Variants in RBFOX1 observed in about 807,000 individuals in gnomAD.
The protein encoded by RBFOX1 is RNA binding fox-1 homolog 1, also known as RNA binding protein fox-1 homolog 1.
RBFOX1 carries 8 observed loss-of-function variants against 57.7 expected under a neutral mutation model. The observed-to-expected ratio is 0.14, with a 90% confidence interval of 0.08 to 0.25. RBFOX1 has a LOEUF of 0.25. RBFOX1 is among the 10% of genes least tolerant of loss of function. The probability of loss-of-function intolerance (pLI) is 1.00; values close to 1 mark genes in which losing one functional copy is unlikely to be tolerated. For synonymous variants in RBFOX1, 326 were observed against 222.4 expected, an observed-to-expected ratio of 1.47 and a Z score of -4.15; for missense variants, 611 against 548.5, an observed-to-expected ratio of 1.11 and a Z score of -1.14.
intron 2 of RBFOX1, among the ~76,000 whole-genome samples, chr16:6,523,314 C>G (rs1412942128): frequency 2.6e-5 from 4 of 152,072 alleles, no homozygotes; most frequent in African/African-American, 9.7e-5. Flanking sequence ...GTTGATAAAG[C>G]TACTAGCCAT....
intron 3 of RBFOX1, among the ~76,000 whole-genome samples, chr16:6,743,905 A>T (rs912654571): frequency 4.0e-5 from 6 of 150,716 alleles, no homozygotes; most frequent in African/African-American, 1.5e-4. Flanking sequence ...TTAACCATTC[A>T]TCTATGATAT....
At chr16:6,807,633 T>C (rs570791502) in intron 3 of RBFOX1, among the ~76,000 whole-genome samples, 1 of 151,846 alleles carries the variant, frequency 6.6e-6, no homozygotes, top group South Asian at 2.1e-4. Context: ...CTGGCGAGCA[T>C]GGTGAAAGCC....
intron 3 of RBFOX1, among the ~76,000 whole-genome samples, chr16:5,709,017 C>T (rs1322644537): frequency 6.6e-6 from 1 of 152,198 alleles, no homozygotes; most frequent in African/African-American, 2.4e-5. Flanking sequence ...TGAGACCCAA[C>T]CGAAATATTT....
intron 1 of RBFOX1, among the ~76,000 whole-genome samples, chr16:5,391,862 TAAAG>T (rs780372924): frequency 6.8e-6 from 1 of 148,058 alleles, no homozygotes. Flanking sequence ...AATGAGTGGA[TAAAG>T]AAACTATGGT....
chr16:6,148,492 A>G (rs747526854), intron 1 of RBFOX1, among the ~76,000 whole-genome samples: 1 of 152,142 alleles, frequency 6.6e-6, no homozygotes. Flanking sequence ...TGGATGGCTC[A>G]TTCTTCTTTG....
chr16:7,121,891 T>G (rs74009050), intron 4 of RBFOX1, among the ~76,000 whole-genome samples: 18,562 of 151,946 alleles, frequency 0.12, 1,429 homozygotes, highest in African/African-American at 0.21. Context: ...TATACTTAAT[T>G]AAATCTTAGA....
intron 1 of RBFOX1, among the ~76,000 whole-genome samples, chr16:6,292,486 G>T (rs759706047): frequency 6.6e-6 from 1 of 151,502 alleles, no homozygotes; most frequent in African/African-American, 2.4e-5. Flanking sequence ...AAATACATAC[G>T]TTTGAATACT....
At chr16:7,430,796 C>T (rs966126548) in intron 4 of RBFOX1, among the ~76,000 whole-genome samples, 2 of 152,178 alleles carry the variant, frequency 1.3e-5, no homozygotes, top group African/African-American at 4.8e-5. Flanking sequence ...ACCTGGATGG[C>T]CAAGTGCAAG....
chr16:5,310,804 A>G (rs941840079), intron 1 of RBFOX1, among the ~76,000 whole-genome samples: 6 of 152,176 alleles, frequency 3.9e-5, no homozygotes, highest in Non-Finnish European at 7.3e-5. Context: ...CAGAAGGAAA[A>G]GTATAGTTTG....
intron 2 of RBFOX1, among the ~76,000 whole-genome samples, chr16:6,394,393 A>G (rs1190865339): frequency 6.6e-6 from 1 of 152,220 alleles, no homozygotes; most frequent in Admixed American, 6.5e-5. Flanking sequence ...ATAAAAGAGA[A>G]CTAACTGAAC....
chr16:5,243,349 A>G (rs971217116), intron 1 of RBFOX1, among the ~76,000 whole-genome samples: 5 of 152,214 alleles, frequency 3.3e-5, no homozygotes, highest in African/African-American at 9.7e-5. Flanking sequence ...AAAAGCATCC[A>G]GGGTTGAAAC....
chr16:5,867,490 TG>T (rs1480945674), intron 4 of RBFOX1, among the ~76,000 whole-genome samples: 1 of 152,142 alleles, frequency 6.6e-6, no homozygotes, highest in African/African-American at 2.4e-5. Context: ...TCTGTGCTGC[TG>T]GGTTTTGGGG....
intron 1 of RBFOX1, among the ~76,000 whole-genome samples, chr16:5,377,512 T>G (rs2066016107): frequency 2.3e-5 from 3 of 129,540 alleles, no homozygotes; most frequent in African/African-American, 6.2e-5. Context: ...CTAGTATGGG[T>G]GTGGGAGGGG....
Position 7,309,542 on chromosome 16 carries a change from T to G in RBFOX1, c.28-208605T>G, listed in dbSNP as rs374795549. On this transcript the variant is annotated intron_variant, in intron 4 of 15. Coordinates refer to ENST00000550418, the MANE Select transcript of RBFOX1 (RefSeq NM_018723.4). Reference sequence around the variant, plus strand: ...CCCGGCTGGAGAAAGTCTGTGTTATTAGTGCTCACCCGCCATCTGTTTTCC... The same window carrying G: ...CCCGGCTGGAGAAAGTCTGTGTTATGAGTGCTCACCCGCCATCTGTTTTCC... Among the ~76,000 whole-genome samples the G allele has an allele frequency of 6.6e-5, 10 of 152,314 alleles. No individual in the cohort carries two copies. The East Asian group carries it at 9.7e-4, about 15-fold the overall frequency.
In RBFOX1 at chr16:7,518,890, G is replaced by C. The variant is rs533477692; in HGVS notation, c.270+501G>C. ...ATTTAAAATTTAGCTGAGTGTCATG[G>C]TGCATGCCTGTAGTCCCAGCTACTT... On this transcript the variant is annotated intron_variant, in intron 5 of 15. Coordinates refer to ENST00000550418, the MANE Select transcript of RBFOX1 (RefSeq NM_018723.4). Among the ~76,000 whole-genome samples, 26 of 152,190 alleles carry C rather than the reference G, an allele frequency of 1.7e-4. No homozygotes were observed. In the Middle Eastern group the frequency reaches 0.014, roughly 80 times the overall value.
intron 3 of RBFOX1, among the ~76,000 whole-genome samples, chr16:6,667,944 T>A (rs1485290459): frequency 6.6e-6 from 1 of 152,252 alleles, no homozygotes; most frequent in Non-Finnish European, 1.5e-5. Flanking sequence ...TACACTTAAA[T>A]CTGCTTTCGT....
At chr16:7,014,644 A>G (rs1408077740) in intron 3 of RBFOX1, among the ~76,000 whole-genome samples, 3 of 152,234 alleles carry the variant, frequency 2.0e-5, no homozygotes, top group East Asian at 3.9e-4. Flanking sequence ...TATATTTTGG[A>G]TTTGATTCTC....
At chr16:7,240,911 C>G (rs2094022071) in intron 4 of RBFOX1, among the ~76,000 whole-genome samples, 1 of 152,188 alleles carries the variant, frequency 6.6e-6, no homozygotes. Flanking sequence ...ACTAATGTTG[C>G]TTTAGATCTT....
chr16:6,167,281 C>G (rs74006913), intron 1 of RBFOX1, among the ~76,000 whole-genome samples: 1 of 152,166 alleles, frequency 6.6e-6, no homozygotes, highest in African/African-American at 2.4e-5. Context: ...TCTTACCTTT[C>G]CAAATTGCAC....
Sources: gnomAD v4.1 joint callset for allele counts (sites outside exome capture counted in the v4.1 genomes callset) on GRCh38, gnomAD v4.1.1 for gene constraint, MANE v1.5 for transcripts, NCBI Gene and HGNC (gene_info 2026-07-23, HGNC 2026-07-21) for gene names.